The following TMCO4 variants were observed in gnomAD, a reference collection of about 807,000 sequenced individuals.
The protein encoded by TMCO4 is transmembrane and coiled-coil domain-containing protein 4.
In TMCO4, 58 loss-of-function variants were observed where a neutral mutation model predicts 64.7. The observed-to-expected ratio is 0.90, with a 90% CI of 0.73 to 1.12. TMCO4 has a LOEUF of 1.12. Among genes scored for constraint, TMCO4 ranks in the 50% most tolerant of loss-of-function variants. TMCO4 has a pLI of 0.00. For synonymous variants in TMCO4, 325 were observed against 346.1 expected, an observed-to-expected ratio of 0.94 and a Z score of 0.68; for missense variants, 780 against 825.9, an observed-to-expected ratio of 0.94 and a Z score of 0.68.
intron 13 of TMCO4, among the ~76,000 whole-genome samples, chr1:19,717,607 C>T (rs921062727): frequency 8.5e-5 from 13 of 152,328 alleles, no homozygotes; most frequent in African/African-American, 2.9e-4. Flanking sequence ...ACTGGCCCTT[C>T]CCAGCACATG....
intron 4 of TMCO4, among the ~76,000 whole-genome samples, chr1:19,778,689 AGTGG>A: frequency 6.6e-6 from 1 of 152,356 alleles, no homozygotes; most frequent in South Asian, 2.1e-4. Flanking sequence ...GAGACTGGAA[AGTGG>A]CAGAGTTAAG....
chr1:19,712,743 A>G (rs142442927), intron 13 of TMCO4, among the ~76,000 whole-genome samples: 2 of 152,380 alleles, frequency 1.3e-5, no homozygotes, highest in African/African-American at 4.8e-5. Flanking sequence ...AGAATTATCA[A>G]AATGTGACAC....
chr1:19,780,438 G>A (rs2043410830), intron 4 of TMCO4, 142 bp downstream of exon 4: 6 of 1,016,416 alleles, frequency 5.9e-6, no homozygotes, highest in African/African-American at 3.3e-5. Flanking sequence ...CGGCCTGGAG[G>A]TTAGAGACCC....
intron 13 of TMCO4, among the ~76,000 whole-genome samples, chr1:19,703,276 G>A (rs1299823765): frequency 6.6e-6 from 1 of 152,176 alleles, no homozygotes; most frequent in African/African-American, 2.4e-5. Context: ...CCTAAAAGAG[G>A]ATGATGATGC....
chr1:19,733,714 C>A (rs544188361), intron 13 of TMCO4, among the ~76,000 whole-genome samples: 1 of 152,256 alleles, frequency 6.6e-6, no homozygotes, highest in African/African-American at 2.4e-5. Flanking sequence ...ACTGGAAAGA[C>A]AGATGAGCAA....
At chr1:19,686,816 C>T (rs2095152938) in intron 15 of TMCO4, among the ~76,000 whole-genome samples, 2 of 152,196 alleles carry the variant, frequency 1.3e-5, no homozygotes, top group Admixed American at 1.3e-4. Flanking sequence ...CCACAGCTTC[C>T]CCATCTGTAA....
At chr1:19,770,114 C>G (rs2042918883) in intron 6 of TMCO4, among the ~76,000 whole-genome samples, 1 of 152,198 alleles carries the variant, frequency 6.6e-6, no homozygotes, top group African/African-American at 2.4e-5. Flanking sequence ...AGGCAGTTAG[C>G]AGGGAGGTGG....
chr1:19,768,019 G>A (rs1377241467), intron 6 of TMCO4, among the ~76,000 whole-genome samples: 2 of 151,504 alleles, frequency 1.3e-5, no homozygotes, highest in African/African-American at 2.4e-5. Context: ...TTGAACCCGG[G>A]AGGCAGAGGT....
rs1007032486 is a variant in TMCO4, at chr1:19,732,794, G to GA, written c.1264+4577dup. On this transcript the variant is annotated intron_variant, in intron 13 of 15. Coordinates refer to ENST00000294543, the MANE Select transcript of TMCO4 (RefSeq NM_181719.7). This position sits in a 1 kb window ranked among gnomAD's most constrained non-coding sequence, Gnocchi z 4.8. ...TTTTTTCTGAAGGTGACTACAGGGG[G>GA]AAAATGCCAGCTGCACTTTTGTCCA... Among the ~76,000 whole-genome samples, 2 of 152,152 alleles carry GA rather than the reference G, an allele frequency of 1.3e-5. No homozygotes were observed. Among genetic ancestry groups the GA allele is most frequent in the Non-Finnish European group, 2.9e-5 (2 of 68,012 alleles).
chr1:19,723,236 C>T (rs2095393866), intron 13 of TMCO4, among the ~76,000 whole-genome samples: 1 of 152,206 alleles, frequency 6.6e-6, no homozygotes. Context: ...CTCGGAGTAT[C>T]ATGTTGCTGC....
chr1:19,789,391 A>C (rs1300056109), intron 2 of TMCO4, among the ~76,000 whole-genome samples: 2 of 152,162 alleles, frequency 1.3e-5, no homozygotes, highest in African/African-American at 4.8e-5. Flanking sequence ...CCTGGGCGAC[A>C]CAGTGAGACT....
intron 2 of TMCO4, among the ~76,000 whole-genome samples, chr1:19,789,807 C>A (rs1188145308): frequency 6.6e-6 from 1 of 151,940 alleles, no homozygotes; most frequent in Non-Finnish European, 1.5e-5. Flanking sequence ...AATCCCAGCA[C>A]TTTGGGAGGC....
chr1:19,682,924 T>G lies in TMCO4; in HGVS notation c.*116A>C. 1.5e-6 allele frequency: 2 copies of G among 1,322,298 alleles called. No homozygotes were observed. The highest frequency in any genetic ancestry group is 2.1e-6 in the Non-Finnish European group (2 of 957,154). The allele number at this position is 1,322,298 out of a possible 1,614,324, so 81.9% of individuals were successfully genotyped here. ...CCCTTTCAGTTCCAATTCCTTCCATTTAGGAAAGAGGCCTGTGGAAATCCT... is the reference window on the plus strand; with the variant it reads ...CCCTTTCAGTTCCAATTCCTTCCATGTAGGAAAGAGGCCTGTGGAAATCCT... On this transcript the variant is annotated 3_prime_UTR_variant, in exon 16 of 16. Coordinates refer to ENST00000294543, the MANE Select transcript of TMCO4 (RefSeq NM_181719.7).
At chr1:19,703,526 TTTTC>T (rs978946642) in intron 13 of TMCO4, among the ~76,000 whole-genome samples, 3 of 150,890 alleles carry the variant, frequency 2.0e-5, no homozygotes, top group Non-Finnish European at 4.4e-5. Flanking sequence ...TCCCTCCTTC[TTTTC>T]TTTTCTTTCT....
At chr1:19,686,207 T>C (rs1018422112) in intron 15 of TMCO4, among the ~76,000 whole-genome samples, 1 of 152,210 alleles carries the variant, frequency 6.6e-6, no homozygotes, top group Non-Finnish European at 1.5e-5. Flanking sequence ...AGATGCTGCC[T>C]GCAGAAGCTG....
At chr1:19,739,231 A>T (rs529844264) in intron 12 of TMCO4, among the ~76,000 whole-genome samples, 33 of 152,324 alleles carry the variant, frequency 2.2e-4, no homozygotes, top group African/African-American at 7.5e-4. Flanking sequence ...GGATGGTTTT[A>T]TTCTCTTGGT....
At chr1:19,706,242 A>G (rs547709717) in intron 13 of TMCO4, among the ~76,000 whole-genome samples, 2 of 152,192 alleles carry the variant, frequency 1.3e-5, no homozygotes, top group African/African-American at 4.8e-5. Context: ...TCCCTTCCAC[A>G]GGGACAGAAA....
At chr1:19,740,176 G>T (rs537799162) in intron 11 of TMCO4, among the ~76,000 whole-genome samples, 30 of 152,296 alleles carry the variant, frequency 2.0e-4, no homozygotes, top group South Asian at 1.0e-3. Context: ...TCACGTGTGA[G>T]ATGGCCCCAA....
chr1:19,738,432 G>A (rs1186335565), intron 12 of TMCO4: 1 of 152,260 alleles, frequency 6.6e-6, no homozygotes, highest in Non-Finnish European at 1.5e-5. Context: ...GGCAAGGAAA[G>A]GGGATCCTCC....
Sources: allele counts gnomAD v4.1 joint callset (sites outside exome capture counted in the v4.1 genomes callset), GRCh38; gene constraint gnomAD v4.1.1; non-coding constraint Gnocchi (gnomAD v3.1); transcripts MANE v1.5; gene names NCBI Gene and HGNC (gene_info 2026-07-23, HGNC 2026-07-21).